SLC2A13: variants seen among roughly 807,000 people sequenced by gnomAD.
The protein encoded by SLC2A13 is proton myo-inositol cotransporter.
In SLC2A13, 32 loss-of-function variants were observed where a neutral mutation model predicts 64.4. That is an observed-to-expected ratio of 0.50 (90% CI 0.37 to 0.67). SLC2A13 has a LOEUF of 0.67. Ranked by LOEUF, SLC2A13 falls within the 30% of genes least tolerant of loss-of-function variation. The pLI, the probability that SLC2A13 is intolerant of heterozygous loss-of-function variation, is 0.00. For synonymous variants in SLC2A13, 338 were observed against 327.1 expected (o/e 1.03, Z -0.36); for missense variants, 743 against 829.2 (o/e 0.90, Z 1.28).
rs1387809343 is a variant in SLC2A13, at chr12:39,839,143, A to G, written c.1320-8915T>C. 2.2e-4 allele frequency among the ~76,000 whole-genome samples: 33 copies of G among 151,886 alleles called. 1 individual carries two copies. The highest frequency in any genetic ancestry group is 2.2e-3 in the Admixed American group (33 of 15,260). On this transcript the variant is annotated intron_variant, in intron 6 of 9. Transcript: ENST00000280871. ...TACTATCCCCTTCCTCACTGCTCTC[A>G]CCAGCTTCAGCAGGTGACTTGGAAT...
intron 5 of SLC2A13, among the ~76,000 whole-genome samples, chr12:39,865,129 A>G (rs754301935): frequency 3.3e-5 from 5 of 152,248 alleles, no homozygotes; most frequent in South Asian, 4.1e-4. Context: ...TACATTTGCT[A>G]GCCAAACAGT....
intron 3 of SLC2A13, among the ~76,000 whole-genome samples, chr12:39,979,603 C>T (rs1394328186): frequency 1.5e-4 from 21 of 143,014 alleles, no homozygotes; most frequent in South Asian, 9.4e-4. Flanking sequence ...TGAAATGAAG[C>T]GAGAAGGGAA....
chr12:39,932,548 A>T (rs1343679096), intron 4 of SLC2A13, among the ~76,000 whole-genome samples: 3 of 152,258 alleles, frequency 2.0e-5, no homozygotes, highest in Non-Finnish European at 1.5e-5. Context: ...TTAACAGTAC[A>T]GATGGGGGCT....
intron 3 of SLC2A13, among the ~76,000 whole-genome samples, chr12:39,968,523 T>A (rs1946569664): frequency 6.6e-6 from 1 of 151,976 alleles, no homozygotes; most frequent in Non-Finnish European, 1.5e-5. Flanking sequence ...TGGTGACTCT[T>A]TCCTCTCTGA....
intron 2 of SLC2A13, among the ~76,000 whole-genome samples, chr12:40,034,730 C>G (rs1044607685): frequency 2.0e-5 from 3 of 152,150 alleles, no homozygotes; most frequent in Middle Eastern, 3.4e-3. Flanking sequence ...AAAATAAACT[C>G]AAAATCTTTT....
At chr12:40,007,055 G>A (rs1045316413) in intron 3 of SLC2A13, among the ~76,000 whole-genome samples, 1 of 152,144 alleles carries the variant, frequency 6.6e-6, no homozygotes, top group African/African-American at 2.4e-5. Flanking sequence ...AGTCATGTGT[G>A]TTCAACTTTC....
At position 39,898,648 on chromosome 12, in the gene SLC2A13, G is replaced by A. The variant is rs575212577; in HGVS notation, c.1035-26687C>T. ...CAAGTTAGCCTGATACTCACACTATGAGAGACATACAAGGCATTGAGACCT... is the reference window on the plus strand; with the variant it reads ...CAAGTTAGCCTGATACTCACACTATAAGAGACATACAAGGCATTGAGACCT... On this transcript the variant is annotated intron_variant, in intron 4 of 9. Transcript: ENST00000280871. Among the ~76,000 whole-genome samples, 4 of 152,210 alleles carry A rather than the reference G, an allele frequency of 2.6e-5. No homozygotes were observed. In the South Asian group the frequency reaches 8.3e-4, roughly 32 times the overall value.
chr12:39,998,427 G>C (rs1360192086), intron 3 of SLC2A13, among the ~76,000 whole-genome samples: 1 of 152,226 alleles, frequency 6.6e-6, no homozygotes, highest in African/African-American at 2.4e-5. Context: ...TCTGTCACAA[G>C]GGTGGAGCTG....
intron 4 of SLC2A13, among the ~76,000 whole-genome samples, chr12:39,898,502 T>C (rs1944988845): frequency 6.6e-6 from 1 of 151,814 alleles, no homozygotes; most frequent in Non-Finnish European, 1.5e-5. Context: ...GCCACGCTTT[T>C]CCCCCCTCTA....
At chr12:40,007,521 C>T (rs1947445751) in intron 3 of SLC2A13, among the ~76,000 whole-genome samples, 1 of 151,880 alleles carries the variant, frequency 6.6e-6, no homozygotes, top group African/African-American at 2.4e-5. Context: ...AAGGTCATTA[C>T]TATTTTAAAA....
At chr12:39,783,221 T>C (rs548877255) in intron 7 of SLC2A13, among the ~76,000 whole-genome samples, 1 of 152,332 alleles carries the variant, frequency 6.6e-6, no homozygotes, top group Admixed American at 6.5e-5. Flanking sequence ...TATAGCTGCA[T>C]AGTATTCCAT....
In SLC2A13 at chr12:40,059,052, G is replaced by A. The variant is rs1240592935; in HGVS notation, c.557-10842C>T. On this transcript the variant is annotated intron_variant, in intron 1 of 9. Coordinates refer to ENST00000280871, the MANE Select transcript of SLC2A13 (RefSeq NM_052885.4). ...TACAAATTAGCTGGCATGAATGCTGGCATTATCACTTATTTCTGCTGCAGT... is the reference window on the plus strand; with the variant it reads ...TACAAATTAGCTGGCATGAATGCTGACATTATCACTTATTTCTGCTGCAGT... 3.3e-5 allele frequency among the ~76,000 whole-genome samples: 5 copies of A among 152,248 alleles called. No homozygotes were observed. The South Asian group carries it at 1.0e-3, about 32-fold the overall frequency.
At chr12:39,993,065 A>G (rs966368174) in intron 3 of SLC2A13, among the ~76,000 whole-genome samples, 2 of 152,328 alleles carry the variant, frequency 1.3e-5, no homozygotes, top group African/African-American at 4.8e-5. Context: ...TCTTTTAAGG[A>G]AAACAAAACT....
chr12:40,063,811 A>T (rs1948465601), intron 1 of SLC2A13, among the ~76,000 whole-genome samples: 1 of 152,174 alleles, frequency 6.6e-6, no homozygotes. Flanking sequence ...TGTTGACTAT[A>T]ATCTCATTAA....
rs1334189426 is a variant in SLC2A13 at position 39,755,930 on chromosome 12, A to C, written c.*4096T>G. The C allele has an allele frequency of 6.6e-6, 1 of 152,032 alleles. No homozygotes were observed. Among genetic ancestry groups the C allele is most frequent in the Non-Finnish European group, 1.5e-5 (1 of 67,830 alleles). 9.4% of individuals were successfully genotyped at this position (152,032 alleles called of 1,614,324 possible). On this transcript the variant is annotated 3_prime_UTR_variant, in exon 10 of 10. Transcript: ENST00000280871. ...CTTTGATGATTACTGGCACACAAAAATTTCCTTCTCTAAAGAGACAAGATA... is the reference window on the plus strand; with the variant it reads ...CTTTGATGATTACTGGCACACAAAACTTTCCTTCTCTAAAGAGACAAGATA...
At chr12:39,886,839 A>G (rs990108481) in intron 4 of SLC2A13, among the ~76,000 whole-genome samples, 13 of 152,240 alleles carry the variant, frequency 8.5e-5, no homozygotes, top group African/African-American at 3.1e-4. Context: ...GAGGGCAGAA[A>G]TAATTTCCTG....
At chr12:39,891,751 G>T (rs969815701) in intron 4 of SLC2A13, among the ~76,000 whole-genome samples, 3 of 152,144 alleles carry the variant, frequency 2.0e-5, no homozygotes, top group Non-Finnish European at 4.4e-5. Flanking sequence ...CTCAGATCAG[G>T]GCTCAGTCCC....
intron 3 of SLC2A13, among the ~76,000 whole-genome samples, chr12:39,960,270 C>G (rs1946385670): frequency 6.6e-6 from 1 of 152,170 alleles, no homozygotes; most frequent in Non-Finnish European, 1.5e-5. Context: ...AATTTTATAT[C>G]CACCAATTTT....
chr12:39,861,152 A>T (rs554122199), intron 6 of SLC2A13, among the ~76,000 whole-genome samples: 77 of 152,286 alleles, frequency 5.1e-4, no homozygotes, highest in African/African-American at 1.8e-3. Context: ...TTCTTTTAAG[A>T]GCTCAGTACA....
Sources: allele counts gnomAD v4.1 joint callset (sites outside exome capture counted in the v4.1 genomes callset), GRCh38; gene constraint gnomAD v4.1.1; transcripts MANE v1.5; gene names NCBI Gene and HGNC (gene_info 2026-07-23, HGNC 2026-07-21).